PALM2AKAP2: variants seen among roughly 807,000 people sequenced by gnomAD.
PALM2AKAP2 encodes the protein PALM2 and AKAP2 fusion.
PALM2AKAP2 carries 37 observed loss-of-function variants against 71.5 expected under a neutral mutation model. The observed-to-expected ratio is 0.52, with a 90% CI of 0.40 to 0.68. The LOEUF is 0.68. PALM2AKAP2 is among the 30% of genes least tolerant of loss of function. The pLI is 0.00. For synonymous variants in PALM2AKAP2, 468 were observed against 478.8 expected (o/e 0.98, Z 0.29); for missense variants, 1,224 against 1,191.8 (o/e 1.03, Z -0.40).
chr9:109,693,971 A>G (rs906609272), intron 1 of PALM2AKAP2, among the ~76,000 whole-genome samples: 2 of 151,856 alleles, frequency 1.3e-5, no homozygotes, highest in African/African-American at 4.8e-5. Flanking sequence ...CACTTATACC[A>G]CCATATGATA....
intron 3 of PALM2AKAP2, 85 bp from the exon 4 acceptor site, chr9:109,923,650 A>T: frequency 7.1e-7 from 1 of 1,414,156 alleles, no homozygotes; most frequent in Non-Finnish European, 9.5e-7. Flanking sequence ...GGAAGGTACA[A>T]ATCGCCCAAC....
intron 1 of PALM2AKAP2, among the ~76,000 whole-genome samples, chr9:110,118,108 A>G (rs1359122203): frequency 1.3e-5 from 2 of 151,368 alleles, no homozygotes; most frequent in African/African-American, 2.4e-5. Context: ...TGTTTGCAAC[A>G]ATAAAAGACT....
At chr9:109,648,221 C>G (rs1324462656) in intron 1 of PALM2AKAP2, among the ~76,000 whole-genome samples, 1 of 152,132 alleles carries the variant, frequency 6.6e-6, no homozygotes, top group Non-Finnish European at 1.5e-5. Flanking sequence ...AACTGTGAGT[C>G]AATAAAACCT....
intron 1 of PALM2AKAP2, among the ~76,000 whole-genome samples, chr9:110,060,094 T>A (rs1167150942): frequency 2.7e-5 from 1 of 37,260 alleles, no homozygotes; most frequent in Non-Finnish European, 6.1e-5. Context: ...GGGCCAGGTA[T>A]TTTGTTTTTG....
At chr9:110,143,591 T>G (rs1465705942) in intron 2 of PALM2AKAP2, among the ~76,000 whole-genome samples, 1 of 152,200 alleles carries the variant, frequency 6.6e-6, no homozygotes, top group Non-Finnish European at 1.5e-5. Flanking sequence ...TTCAAATGTC[T>G]TTTCATATTG....
chr9:110,014,258 C>A (rs563312308), intron 6 of PALM2AKAP2, among the ~76,000 whole-genome samples: 11 of 152,144 alleles, frequency 7.2e-5, no homozygotes, highest in South Asian at 4.1e-4. Context: ...TTAGGAAAAT[C>A]AATAATGTAA....
At chr9:109,900,904 TC>T (rs544134853) in intron 3 of PALM2AKAP2, among the ~76,000 whole-genome samples, 209 of 152,376 alleles carry the variant, frequency 1.4e-3, no homozygotes, top group Non-Finnish European at 2.7e-3. Context: ...ATCTTTTAAA[TC>T]AGTGATGGTC....
chr9:110,139,496 C>T (rs919346857), intron 2 of PALM2AKAP2, among the ~76,000 whole-genome samples: 7 of 152,120 alleles, frequency 4.6e-5, no homozygotes, highest in East Asian at 1.9e-4. Context: ...GAAATCCAAG[C>T]GTGGGATTTT....
intron 1 of PALM2AKAP2, among the ~76,000 whole-genome samples, chr9:109,764,974 A>G (rs748589477): frequency 6.6e-6 from 1 of 152,214 alleles, no homozygotes; most frequent in African/African-American, 2.4e-5. Flanking sequence ...TGTCATATAA[A>G]TAATGAACAG....
chr9:109,744,708 G>A (rs1446611503), intron 1 of PALM2AKAP2, among the ~76,000 whole-genome samples: 2 of 152,166 alleles, frequency 1.3e-5, no homozygotes, highest in Non-Finnish European at 2.9e-5. Context: ...TGGGATTCCA[G>A]GAATGTTCTA....
In PALM2AKAP2 at chr9:109,682,532, G is replaced by A. The variant is rs146761752; in HGVS notation, c.5+41666G>A. Among the ~76,000 whole-genome samples, 179 of 152,246 alleles carry A rather than the reference G, an allele frequency of 1.2e-3. 1 individual carries two copies. The highest frequency in any genetic ancestry group is 4.0e-3 in the African/African-American group (168 of 41,552). ...CTTATTTTACAGTTAAGATTCTGAG[G>A]CCCAGAGAGAAAGGACTTAACCAAG... On this transcript the variant is annotated intron_variant, in intron 1 of 6. Coordinates refer to the PALM2AKAP2 transcript ENST00000374531.
chr9:109,674,400 T>C (rs2118499114), intron 1 of PALM2AKAP2, among the ~76,000 whole-genome samples: 1 of 152,152 alleles, frequency 6.6e-6, no homozygotes, highest in African/African-American at 2.4e-5. Flanking sequence ...GATTTTTAAT[T>C]ATATGCCGTA....
At chr9:110,015,645 A>T (rs1233278490) in intron 6 of PALM2AKAP2, among the ~76,000 whole-genome samples, 1 of 152,170 alleles carries the variant, frequency 6.6e-6, no homozygotes, top group Non-Finnish European at 1.5e-5. Flanking sequence ...AATAAAAATG[A>T]AAAGAAGAAG....
intron 1 of PALM2AKAP2, among the ~76,000 whole-genome samples, chr9:109,759,631 T>A (rs953604203): frequency 1.3e-5 from 2 of 152,052 alleles, no homozygotes; most frequent in African/African-American, 4.8e-5. Flanking sequence ...AGTGATTAAT[T>A]GTAATCTTTT....
chr9:109,658,891 G>C (rs1172835366), intron 1 of PALM2AKAP2, among the ~76,000 whole-genome samples: 1 of 152,120 alleles, frequency 6.6e-6, no homozygotes, highest in Non-Finnish European at 1.5e-5. Flanking sequence ...AATCCGAAAA[G>C]TACTTATAAA....
intron 2 of PALM2AKAP2, among the ~76,000 whole-genome samples, chr9:110,142,698 C>T (rs902867896): frequency 6.6e-6 from 1 of 151,880 alleles, no homozygotes; most frequent in East Asian, 1.9e-4. Context: ...AGGAAGGGCA[C>T]CTAAGAGAGG....
chr9:109,908,083 A>G (rs1182348292), intron 3 of PALM2AKAP2, among the ~76,000 whole-genome samples: 2 of 152,228 alleles, frequency 1.3e-5, no homozygotes, highest in Non-Finnish European at 2.9e-5. Context: ...AACTATATTG[A>G]TTGAGCACAG....
At chr9:110,152,477 A>C (rs1836344056) in intron 2 of PALM2AKAP2, among the ~76,000 whole-genome samples, 1 of 152,140 alleles carries the variant, frequency 6.6e-6, no homozygotes, top group African/African-American at 2.4e-5. Context: ...AAAGATAACC[A>C]TCATGGTTTG....
chr9:109,721,077 C>T (rs563114698), intron 1 of PALM2AKAP2, among the ~76,000 whole-genome samples: 1 of 152,194 alleles, frequency 6.6e-6, no homozygotes. Context: ...ATCACACCAA[C>T]TCATAGCTTT....
Sources: allele counts gnomAD v4.1 joint callset (sites outside exome capture counted in the v4.1 genomes callset), GRCh38; gene constraint gnomAD v4.1.1; transcripts MANE v1.5; gene names NCBI Gene and HGNC (gene_info 2026-07-23, HGNC 2026-07-21).